The following WDR88 variants were observed in gnomAD, a reference collection of about 807,000 sequenced individuals.
WDR88 encodes the protein WD repeat-containing protein 88.
In WDR88, 40 loss-of-function variants were observed where a neutral mutation model predicts 46.8. That is an observed-to-expected ratio of 0.86 (90% confidence interval 0.66 to 1.11). WDR88 has a LOEUF of 1.11. WDR88 is among the 50% of genes most tolerant of loss of function. The pLI, the probability that WDR88 is intolerant of heterozygous loss-of-function variation, is 0.00. For synonymous variants in WDR88, 235 were observed against 240.7 expected (o/e 0.98, Z 0.22); for missense variants, 562 against 602.4 (o/e 0.93, Z 0.70).
intron 7 of WDR88, among the ~76,000 whole-genome samples, chr19:33,159,440 G>A (rs769327091): frequency 9.9e-5 from 15 of 152,232 alleles, no homozygotes; most frequent in African/African-American, 2.2e-4. Context: ...GTTCCTAAGC[G>A]CGAGAGTGCT....
intron 6 of WDR88, 26 bp from the exon 7 acceptor site, chr19:33,156,329 T>C (rs772735237): frequency 6.2e-7 from 1 of 1,610,646 alleles, no homozygotes; most frequent in Non-Finnish European, 8.5e-7. Flanking sequence ...AGCGCTAATG[T>C]GTGCACCCCA....
chr19:33,157,395 GC>G (rs1249929116), intron 7 of WDR88, among the ~76,000 whole-genome samples: 1 of 150,706 alleles, frequency 6.6e-6, no homozygotes, highest in African/African-American at 2.4e-5. Context: ...CTATTCGGGA[GC>G]CTCAGGCAGG....
intron 4 of WDR88, among the ~76,000 whole-genome samples, chr19:33,148,494 A>G (rs10409304): frequency 0.55 from 84,390 of 152,112 alleles, 27,128 homozygotes; most frequent in African/African-American, 0.87. Flanking sequence ...AGGCTGGAAC[A>G]CAGTGGCGCC....
chr19:33,134,589 G>A (rs996176819), intron 1 of WDR88, among the ~76,000 whole-genome samples: 14 of 152,002 alleles, frequency 9.2e-5, no homozygotes, highest in Non-Finnish European at 1.5e-4. Context: ...GCCAGAGGCG[G>A]GGGCGGTGCG....
At chr19:33,167,447 T>C (rs1973971059) in intron 9 of WDR88, among the ~76,000 whole-genome samples, 1 of 152,082 alleles carries the variant, frequency 6.6e-6, no homozygotes, top group Non-Finnish European at 1.5e-5. Context: ...AGAAAAAATC[T>C]GCAGCTAACA....
intron 9 of WDR88, among the ~76,000 whole-genome samples, chr19:33,167,306 A>T (rs1331025096): frequency 1.3e-5 from 2 of 152,140 alleles, no homozygotes; most frequent in Non-Finnish European, 2.9e-5. Flanking sequence ...GGGAAAAAAA[A>T]CCCTATACAA....
At chr19:33,151,644 C>T (rs752202439) in intron 6 of WDR88, among the ~76,000 whole-genome samples, 2 of 152,080 alleles carry the variant, frequency 1.3e-5, no homozygotes, top group Non-Finnish European at 2.9e-5. Context: ...CTTTGGGAGG[C>T]CAAAGTGGGA....
At position 33,161,952 on chromosome 19, in the gene WDR88, C is replaced by T. The variant is rs147485386; in HGVS notation, c.1080+1456C>T. On this transcript the variant is annotated intron_variant, in intron 8 of 10. Coordinates refer to ENST00000355868, the MANE Select transcript of WDR88 (RefSeq NM_173479.4). ...TGGACTCCAGCCTGGGTGACAGAGC[C>T]GGTTGTTCTATTCTCTCTCCTCTTC... is the stretch of plus-strand genomic sequence containing the variant. Among the ~76,000 whole-genome samples, 12 of 152,122 alleles carry T rather than the reference C, an allele frequency of 7.9e-5. No homozygotes were observed. In the East Asian group the frequency reaches 9.7e-4, roughly 12 times the overall value.
Position 33,156,229 on chromosome 19 carries a change from G to A in WDR88, c.810-126G>A, listed in dbSNP as rs948595831. 3 of 900,154 alleles carry A rather than the reference G, an allele frequency of 3.3e-6. No homozygotes were observed. In the Middle Eastern group the frequency reaches 7.7e-4, roughly 231 times the overall value. The allele number at this position is 900,154 out of a possible 1,614,324, so 55.8% of individuals were successfully genotyped here. A position where few individuals can be genotyped will look rare whatever the true frequency, so the allele number is the denominator to read the frequency against. ...TAGGTATGTCTTCAGGTCCTCTTGG[G>A]GCGAAGTGCTAGCATGTGCAGCCCG... is the stretch of plus-strand genomic sequence containing the variant. On this transcript the variant is annotated intron_variant, in intron 6 of 10. Coordinates refer to ENST00000355868, the MANE Select transcript of WDR88 (RefSeq NM_173479.4).
chr19:33,133,029 C>T (rs1458927630), intron 1 of WDR88, among the ~76,000 whole-genome samples: 8 of 151,830 alleles, frequency 5.3e-5, no homozygotes. Flanking sequence ...TGATGGGGCG[C>T]ACCTGTGGTC....
intron 1 of WDR88, among the ~76,000 whole-genome samples, chr19:33,135,761 A>C (rs1217307140): frequency 6.6e-6 from 1 of 152,166 alleles, no homozygotes; most frequent in Non-Finnish European, 1.5e-5. Flanking sequence ...TTACGTTCCT[A>C]CCAGCAATGT....
intron 6 of WDR88, among the ~76,000 whole-genome samples, chr19:33,156,013 A>C (rs1380503629): frequency 6.6e-6 from 1 of 152,232 alleles, no homozygotes; most frequent in African/African-American, 2.4e-5. Context: ...GTGGACCACT[A>C]GAGCCTAGGA....
Position 33,140,017 on chromosome 19 carries a change from C to T in WDR88, c.387+2230C>T, listed in dbSNP as rs752254591. ...GGGGCTGCCCCGGGGCTCAACTCAC[C>T]TCCACTCCCGCCCTCCGTAGCTGTC... On this transcript the variant is annotated intron_variant, in intron 2 of 10. Coordinates refer to ENST00000355868, the MANE Select transcript of WDR88 (RefSeq NM_173479.4). Among the ~76,000 whole-genome samples the T allele has an allele frequency of 2.9e-4, 44 of 152,264 alleles. 1 individual carries two copies. The highest frequency in any genetic ancestry group is 9.8e-4 in the Admixed American group (15 of 15,280).
At chr19:33,154,297 G>A (rs1025738230) in intron 6 of WDR88, among the ~76,000 whole-genome samples, 1 of 152,018 alleles carries the variant, frequency 6.6e-6, no homozygotes, top group Non-Finnish European at 1.5e-5. Context: ...ACGGTGGTTT[G>A]CTGCATCTAT....
chr19:33,160,659 T>C (rs1350984550), intron 8 of WDR88, among the ~76,000 whole-genome samples, 163 bp downstream of exon 8: 2 of 151,898 alleles, frequency 1.3e-5, no homozygotes, highest in Non-Finnish European at 2.9e-5. Context: ...CCACCGACTG[T>C]GAGGAGTGAA....
intron 8 of WDR88, among the ~76,000 whole-genome samples, chr19:33,162,859 G>A (rs567137616): frequency 2.2e-4 from 32 of 147,932 alleles, no homozygotes; most frequent in Middle Eastern, 6.8e-3. Flanking sequence ...TCCAGCCTGG[G>A]GGACAGAGTA....
chr19:33,143,916 A>G (rs1307606515), intron 2 of WDR88, among the ~76,000 whole-genome samples: 3 of 152,142 alleles, frequency 2.0e-5, no homozygotes, highest in Non-Finnish European at 4.4e-5. Flanking sequence ...TTATTTTCCA[A>G]CTGTTTATTA....
chr19:33,161,679 T>A (rs1228371182), intron 8 of WDR88, among the ~76,000 whole-genome samples: 1 of 152,126 alleles, frequency 6.6e-6, no homozygotes, highest in Non-Finnish European at 1.5e-5. Flanking sequence ...AAAGTCCCTC[T>A]GTCATCTAGG....
intron 7 of WDR88, among the ~76,000 whole-genome samples, chr19:33,159,340 A>AAAT: frequency 1.9e-5 from 1 of 53,132 alleles, no homozygotes; most frequent in East Asian, 5.6e-4. Flanking sequence ...CTCTAAAAAT[A>AAAT]AATAAATAAA....
Sources: gnomAD v4.1 joint callset for allele counts (sites outside exome capture counted in the v4.1 genomes callset) on GRCh38, gnomAD v4.1.1 for gene constraint, MANE v1.5 for transcripts, NCBI Gene and HGNC (gene_info 2026-07-23, HGNC 2026-07-21) for gene names.